Variants in ART3 observed in about 807,000 individuals in gnomAD.
ART3 encodes ecto-ADP-ribosyltransferase 3.
In ART3, 49 loss-of-function variants were observed where a neutral mutation model predicts 48.5. The observed-to-expected ratio is 1.01, with a 90% CI of 0.80 to 1.28. ART3 has a LOEUF of 1.28. ART3 is among the 50% of genes most tolerant of loss of function. The pLI, the probability that ART3 is intolerant of heterozygous loss-of-function variation, is 0.00. For synonymous variants in ART3, 145 were observed against 157.2 expected (o/e 0.92, Z 0.58); for missense variants, 438 against 454.3 (o/e 0.96, Z 0.33).
At chr4:76,092,396 G>A (rs1194911584) in intron 3 of ART3, among the ~76,000 whole-genome samples, 2 of 152,018 alleles carry the variant, frequency 1.3e-5, no homozygotes, top group African/African-American at 2.4e-5. Flanking sequence ...TTTTCACTGG[G>A]TATAGAATTC....
chr4:76,111,403 G>A (rs1157606186), intron 11 of ART3, among the ~76,000 whole-genome samples: 1 of 152,198 alleles, frequency 6.6e-6, no homozygotes, highest in African/African-American at 2.4e-5. Context: ...GCAGTTGCCA[G>A]CCATTTCAGA....
intron 4 of ART3, among the ~76,000 whole-genome samples, chr4:76,097,910 C>A (rs1214400670): frequency 6.6e-6 from 1 of 152,186 alleles, no homozygotes; most frequent in Admixed American, 6.5e-5. Context: ...TGGCTCTTCT[C>A]TCAGACACTG....
chr4:76,083,815 T>C (rs548587950), intron 3 of ART3, among the ~76,000 whole-genome samples: 5 of 152,264 alleles, frequency 3.3e-5, no homozygotes, highest in Admixed American at 3.3e-4. Context: ...GGGGTAATTA[T>C]CCTTTCTCCA....
chr4:76,036,312 T>C, intron 1 of ART3: 1 of 328,078 alleles, frequency 3.0e-6, no homozygotes, highest in Non-Finnish European at 5.5e-6. Context: ...TTCCTAGAAA[T>C]CCATTTAATT....
At chr4:76,062,994 G>T (rs537051181) in intron 1 of ART3, among the ~76,000 whole-genome samples, 7 of 151,996 alleles carry the variant, frequency 4.6e-5, no homozygotes, top group Non-Finnish European at 8.8e-5. Context: ...ACCTCCTTCA[G>T]GTTTTTGCTA....
At chr4:76,020,891 T>C (rs557109929) in intron 1 of ART3, among the ~76,000 whole-genome samples, 1 of 152,170 alleles carries the variant, frequency 6.6e-6, no homozygotes, top group East Asian at 1.9e-4. Flanking sequence ...GAAATTTGGC[T>C]ATAGGGATTT....
intron 3 of ART3, among the ~76,000 whole-genome samples, chr4:76,094,490 G>A (rs1019333425): frequency 1.3e-5 from 2 of 152,134 alleles, no homozygotes; most frequent in African/African-American, 2.4e-5. Flanking sequence ...ATATTCTTGA[G>A]CTTTGTTCTG....
At chr4:76,034,388 C>A in intron 1 of ART3, 1 of 440,108 alleles carries the variant, frequency 2.3e-6, no homozygotes, top group Non-Finnish European at 3.9e-6. Flanking sequence ...CAGAAATGTT[C>A]TCATAGTCAC....
chr4:76,051,491 T>C (rs531373089), intron 1 of ART3, among the ~76,000 whole-genome samples: 2 of 152,324 alleles, frequency 1.3e-5, no homozygotes, highest in East Asian at 3.9e-4. Flanking sequence ...ATTAAGACGT[T>C]GAGGAATAAT....
At chr4:76,060,497 C>G (rs1168886458) in intron 1 of ART3, among the ~76,000 whole-genome samples, 1 of 152,154 alleles carries the variant, frequency 6.6e-6, no homozygotes, top group Non-Finnish European at 1.5e-5. Context: ...TATCTGCAAG[C>G]CTACACACCT....
At chr4:76,090,349 G>A (rs542244756) in intron 3 of ART3, among the ~76,000 whole-genome samples, 1 of 152,278 alleles carries the variant, frequency 6.6e-6, no homozygotes, top group East Asian at 1.9e-4. Flanking sequence ...CTTTTCTTTC[G>A]ATAAGACAGT....
intron 2 of ART3, among the ~76,000 whole-genome samples, chr4:76,077,527 T>C (rs890296495): frequency 2.0e-5 from 3 of 152,200 alleles, no homozygotes; most frequent in Admixed American, 2.0e-4. Context: ...TTTAAAAAAT[T>C]TTCTAATCAT....
chr4:76,070,417 C>A (rs1271512285), upstream of ART3, among the ~76,000 whole-genome samples: 6 of 152,104 alleles, frequency 3.9e-5, no homozygotes, highest in Admixed American at 3.9e-4. Flanking sequence ...TTGCATTTAC[C>A]TGATGCTAAT....
At chr4:76,023,321 C>G (rs759245646) in intron 1 of ART3, 1 of 1,371,866 alleles carries the variant, frequency 7.3e-7, no homozygotes, top group Non-Finnish European at 1.0e-6. Context: ...GAATTTATAC[C>G]TATTCCTATT....
At chr4:76,069,386 CTTTT>C (rs34858048) in intron 1 of ART3, among the ~76,000 whole-genome samples, 1 of 110,158 alleles carries the variant, frequency 9.1e-6, no homozygotes, top group Non-Finnish European at 1.8e-5. Context: ...TACTTAATTC[CTTTT>C]TTTTTTTTTT....
intron 11 of ART3, among the ~76,000 whole-genome samples, chr4:76,108,086 A>G (rs894883665): frequency 2.6e-5 from 4 of 151,428 alleles, no homozygotes; most frequent in African/African-American, 4.8e-5. Flanking sequence ...AAAAGAAAAT[A>G]TATATTAAAA....
intron 1 of ART3, among the ~76,000 whole-genome samples, chr4:76,038,699 ATT>A: frequency 4.7e-5 from 1 of 21,412 alleles, no homozygotes; most frequent in Non-Finnish European, 7.9e-5. Context: ...ACCCTTGATT[ATT>A]TATTTATTTA....
At chr4:76,088,080 A>T (rs1444492809) in intron 3 of ART3, among the ~76,000 whole-genome samples, 6 of 152,220 alleles carry the variant, frequency 3.9e-5, no homozygotes, top group African/African-American at 9.6e-5. Flanking sequence ...AAATTACTCC[A>T]TTGGAAAATT....
chr4:76,056,962 T>C (rs1462578184), intron 1 of ART3, among the ~76,000 whole-genome samples: 1 of 145,028 alleles, frequency 6.9e-6, no homozygotes, highest in Non-Finnish European at 1.5e-5. Context: ...TTCATTAAGA[T>C]TATTTACTAT....
Sources: gnomAD v4.1 joint callset for allele counts (sites outside exome capture counted in the v4.1 genomes callset) on GRCh38, gnomAD v4.1.1 for gene constraint, MANE v1.5 for transcripts, NCBI Gene and HGNC (gene_info 2026-07-23, HGNC 2026-07-21) for gene names.